The following MEIS3 variants were observed in gnomAD, a reference collection of about 807,000 sequenced individuals.
MEIS3 encodes the protein Meis homeobox 3.
A neutral mutation model predicts 51.4 loss-of-function variants in MEIS3; 38 were observed. The observed-to-expected ratio is 0.74, with a 90% CI of 0.57 to 0.97. The LOEUF (loss-of-function observed/expected upper bound fraction) is 0.97, where lower values mean the gene tolerates loss of function less well. Among genes scored for constraint, MEIS3 ranks in the 50% least tolerant of loss-of-function variants. MEIS3 has a pLI of 0.00. For missense variants in MEIS3, 456 were observed against 502.6 expected (o/e 0.91, Z 0.89); for synonymous variants, 198 against 201.8 (o/e 0.98, Z 0.16).
chr19:47,404,390 C>T (rs1004437499), intron 12 of MEIS3, among the ~76,000 whole-genome samples: 21 of 152,126 alleles, frequency 1.4e-4, no homozygotes, highest in African/African-American at 4.1e-4. Context: ...CTCCAGCACC[C>T]GCCTCCATGC....
chr19:47,408,047 C>T (rs551299612), intron 8 of MEIS3, among the ~76,000 whole-genome samples: 4 of 152,178 alleles, frequency 2.6e-5, no homozygotes, highest in South Asian at 2.1e-4. Flanking sequence ...CCTCGTGATC[C>T]GCCCGCCTCG....
In MEIS3 at chr19:47,414,845, A is replaced by G. The variant is rs1396826011; in HGVS notation, c.469T>C (p.Phe157Leu). Reference sequence around the variant, plus strand: ...AGGCAGGTGATGTAGCGGTGACAGAAGTTGTCGCACAGGTCGTGGACCTGG... The same window carrying G: ...AGGCAGGTGATGTAGCGGTGACAGAGGTTGTCGCACAGGTCGTGGACCTGG... Reference protein sequence around the residue: ...LEKVHDLCDNFCHRYITCLKG... With the variant: ...LEKVHDLCDNLCHRYITCLKG... The change falls in exon 6 of 13, where the codon TTC becomes CTC. Residue 157 changes from phenylalanine (F) to leucine (L), a missense_variant. By Grantham distance (22) the Phe-to-Leu change is conservative. Coordinates refer to ENST00000558555, the MANE Select transcript of MEIS3 (RefSeq NM_001301059.2). The G allele has an allele frequency of 8.6e-6, 13 of 1,503,722 alleles. No homozygotes were observed. Among genetic ancestry groups the G allele is most frequent in the Non-Finnish European group, 1.2e-5 (13 of 1,115,494 alleles). The allele number at this position is 1,503,722 out of a possible 1,614,324, so 93.1% of individuals were successfully genotyped here. A position where few individuals can be genotyped will look rare whatever the true frequency, so the allele number is the denominator to read the frequency against.
intron 5 of MEIS3, 73 bp downstream of exon 5, chr19:47,414,978 G>C (rs547720028): frequency 1.6e-6 from 2 of 1,220,482 alleles, no homozygotes; most frequent in Admixed American, 2.0e-5. Context: ...GCTGGAAGGT[G>C]GGGGGCAGAG....
At chr19:47,411,725 A>T (rs1026845494) in intron 6 of MEIS3, among the ~76,000 whole-genome samples, 1 of 150,638 alleles carries the variant, frequency 6.6e-6, no homozygotes, top group African/African-American at 2.4e-5. Context: ...TATCTCTAGT[A>T]GAGATGGGGT....
At chr19:47,420,325 C>CT (rs770534500), upstream of MEIS3, among the ~76,000 whole-genome samples, 65 of 152,194 alleles carry the variant, frequency 4.3e-4, 1 homozygote, top group Non-Finnish European at 7.8e-4. Context: ...GCTCTATTTG[C>CT]TTTTTTGGGG....
At chr19:47,407,045 C>A (rs767919661) in intron 10 of MEIS3, 34 bp downstream of exon 10, 1 of 1,598,084 alleles carries the variant, frequency 6.3e-7, no homozygotes, top group East Asian at 2.3e-5. Flanking sequence ...CTCCTAAGAA[C>A]CCCAGGCTCT....
At chr19:47,413,894 A>ATT (rs560828506) in intron 6 of MEIS3, among the ~76,000 whole-genome samples, 2 of 141,856 alleles carry the variant, frequency 1.4e-5, no homozygotes, top group Admixed American at 7.0e-5. Context: ...CACCCAGCTA[A>ATT]TTTTTTTTTT....
At chr19:47,417,753 G>A (rs1468781182) in intron 1 of MEIS3, 2 of 662,786 alleles carry the variant, frequency 3.0e-6, no homozygotes, top group East Asian at 2.7e-5. Context: ...CACATACGAA[G>A]CCTCCCTGTC....
upstream of MEIS3, among the ~76,000 whole-genome samples, chr19:47,422,099 C>T (rs1971728325): frequency 6.6e-6 from 1 of 152,092 alleles, no homozygotes; most frequent in Non-Finnish European, 1.5e-5. Context: ...CCATCCATCA[C>T]CCGAGCCCAG....
rs1490810611 is a variant in MEIS3, at chr19:47,414,711, G to T, written c.597+6C>A. On this transcript the variant is annotated splice_donor_region_variant and intron_variant, in intron 6 of 12. Coordinates refer to ENST00000558555, the MANE Select transcript of MEIS3 (RefSeq NM_001301059.2). ...GGACGATGCCTGGTGCCCGTCCCGG[G>T]CCCACCTGGTCTGGGAGGCTGGGGC... is the stretch of plus-strand genomic sequence containing the variant. 6 of 1,588,764 alleles carry T rather than the reference G, an allele frequency of 3.8e-6. No homozygotes were observed. Among genetic ancestry groups the T allele is most frequent in the Non-Finnish European group, 5.1e-6 (6 of 1,168,682 alleles).
Position 47,417,225 on chromosome 19 carries a change from T to C in MEIS3, c.138A>G (p.Pro46=). Reference sequence around the variant, plus strand: ...TCTTCAGGCCGTCGCTGTCCAAGCCTGGGGGCAGGGGCTGGGGAGGCCGGT... The same window carrying C: ...TCTTCAGGCCGTCGCTGTCCAAGCCCGGGGGCAGGGGCTGGGGAGGCCGGT... The part of the protein sequence containing the change: ...GPHRPPQPLP[P]GLDSDGLKRE... Residue 46 remains proline (P), a synonymous_variant, in exon 2 of 13, where the codon CCA becomes CCG. Transcript: ENST00000558555. The C allele has an allele frequency of 6.3e-7, 1 of 1,588,890 alleles. No homozygotes were observed. Among genetic ancestry groups the C allele is most frequent in the African/African-American group, 1.4e-5 (1 of 73,908 alleles).
chr19:47,420,558 GGA>G (rs372574588), upstream of MEIS3, among the ~76,000 whole-genome samples: 73 of 133,524 alleles, frequency 5.5e-4, no homozygotes, highest in Middle Eastern at 3.7e-3. Flanking sequence ...GCGGGTGGGA[GGA>G]GAGAGAGAGA....
chr19:47,420,586 T>A (rs1163734642), upstream of MEIS3, among the ~76,000 whole-genome samples: 14 of 62,314 alleles, frequency 2.2e-4, no homozygotes, highest in African/African-American at 6.1e-4. Flanking sequence ...GCAGACAGAG[T>A]GAGACAGACA....
Position 47,407,127 on chromosome 19 carries a change from C to A in MEIS3, c.946G>T (p.Ala316Ser), listed in dbSNP as rs201978447. Reference protein sequence around the residue: ...ILQVNNWFINARRRIVQPMID... With the variant: ...ILQVNNWFINSRRRIVQPMID... ...ATAGGTTGCACGATGCGTCTCCGGGCGTTAATGAACCTGGGAGGCGGTCAT... is the reference window on the plus strand; with the variant it reads ...ATAGGTTGCACGATGCGTCTCCGGGAGTTAATGAACCTGGGAGGCGGTCAT... Residue 316 changes from alanine to serine, a missense_variant, in exon 10 of 13, where the codon GCC becomes TCC. Physicochemically the swap from Ala to Ser is moderately conservative, Grantham distance 99 (BLOSUM62 1). Transcript: ENST00000558555. 2.5e-6 allele frequency: 4 copies of A among 1,609,434 alleles called. No individual in the cohort carries two copies. The highest frequency in any genetic ancestry group is 2.5e-6 in the Non-Finnish European group (3 of 1,178,396).
At chr19:47,414,509 G>C (rs1971294946) in intron 6 of MEIS3, among the ~76,000 whole-genome samples, 1 of 152,190 alleles carries the variant, frequency 6.6e-6, no homozygotes, top group Non-Finnish European at 1.5e-5. Context: ...GCAGCCGCTG[G>C]TGTGCGTGTG....
intron 1 of MEIS3, 171 bp from the exon 2 acceptor site, chr19:47,417,521 C>T (rs1474025501): frequency 1.3e-6 from 1 of 792,548 alleles, no homozygotes; most frequent in East Asian, 2.7e-5. Flanking sequence ...CTCCAGGTCC[C>T]CTGGAGCTGC....
chr19:47,418,019 T>A, intron 1 of MEIS3: 1 of 388,662 alleles, frequency 2.6e-6, no homozygotes, highest in Non-Finnish European at 4.6e-6. Flanking sequence ...AATGAATGAA[T>A]GAGGCATTTA....
chr19:47,417,048 G>T (rs1391109633), intron 2 of MEIS3, 85 bp from the exon 3 acceptor site: 25 of 1,532,460 alleles, frequency 1.6e-5, no homozygotes, highest in Non-Finnish European at 2.2e-5. Flanking sequence ...AGCTGGGGAG[G>T]GGACAAGAGA....
At chr19:47,403,890 C>T (rs1000087745) in intron 12 of MEIS3, among the ~76,000 whole-genome samples, 34 of 151,788 alleles carry the variant, frequency 2.2e-4, no homozygotes, top group Non-Finnish European at 4.3e-4. Flanking sequence ...AAGAAATAGA[C>T]GAAATGGAGA....
Sources: gnomAD v4.1 joint callset for allele counts (sites outside exome capture counted in the v4.1 genomes callset) on GRCh38, gnomAD v4.1.1 for gene constraint, MANE v1.5 for transcripts, NCBI Gene and HGNC (gene_info 2026-07-23, HGNC 2026-07-21) for gene names.